The following ELL variants were observed in gnomAD, a reference collection of about 807,000 sequenced individuals.
The protein encoded by ELL is elongation factor for RNA polymerase II.
Under a neutral mutation model 64.0 loss-of-function variants are expected in ELL, and 18 were observed. The observed-to-expected ratio is 0.28, with a 90% confidence interval of 0.19 to 0.42. The LOEUF (loss-of-function observed/expected upper bound fraction) is 0.42. Ranked by LOEUF, ELL falls within the 10% of genes least tolerant of loss-of-function variation. The probability of loss-of-function intolerance (pLI) is 1.00; values close to 1 mark genes in which losing one functional copy is unlikely to be tolerated. For synonymous variants in ELL, 399 were observed against 376.2 expected (o/e 1.06, Z -0.70); for missense variants, 797 against 870.4 (o/e 0.92, Z 1.06).
chr19:18,467,709 A>G (rs1381905373), intron 2 of ELL, among the ~76,000 whole-genome samples: 1 of 104,564 alleles, frequency 9.6e-6, no homozygotes, highest in Admixed American at 1.2e-4. Context: ...CCCCACACAC[A>G]ATCCCCCACA....
At chr19:18,504,394 T>C (rs955688466) in intron 1 of ELL, among the ~76,000 whole-genome samples, 2 of 152,188 alleles carry the variant, frequency 1.3e-5, no homozygotes, top group Admixed American at 6.5e-5. Flanking sequence ...CTTTGCTAAA[T>C]TTCCCCTACA....
chr19:18,465,853 G>A lies in ELL; in HGVS notation c.249C>T (p.Asn83=). Residue 83 remains asparagine (N), a synonymous_variant, in exon 3 of 12, where the codon AAC becomes AAT. Coordinates refer to ENST00000262809, the MANE Select transcript of ELL (RefSeq NM_006532.4). ...TGCCCTGGGGGTTGTCGCGGCCGATGTTGGAGAGGTAGAAGGAGAACGTCC... is the reference window on the plus strand; with the variant it reads ...TGCCCTGGGGGTTGTCGCGGCCGATATTGGAGAGGTAGAAGGAGAACGTCC... ...EARTFSFYLS[N]IGRDNPQGSF... 7.4e-7 allele frequency: 1 copy of A among 1,352,218 alleles called. No homozygotes were observed. The highest frequency in any genetic ancestry group is 2.4e-5 in the South Asian group (1 of 42,454). 83.8% of individuals were successfully genotyped at this position (1,352,218 alleles called of 1,614,324 possible). A position where few individuals can be genotyped will look rare whatever the true frequency, so the allele number is the denominator to read the frequency against.
Position 18,449,397 on chromosome 19 carries a change from C to T in ELL, c.1465+1080G>A, listed in dbSNP as rs568326391. Among the ~76,000 whole-genome samples the T allele has an allele frequency of 6.6e-5, 10 of 152,096 alleles. No individual in the cohort carries two copies. Among genetic ancestry groups the T allele is most frequent in the Admixed American group, 2.0e-4 (3 of 15,282 alleles). On this transcript the variant is annotated intron_variant, in intron 8 of 11. Transcript: ENST00000262809. This position sits in a 1 kb window ranked among gnomAD's most constrained non-coding sequence, Gnocchi z 4.4. ...CCAGGGAGTAAGGCCACCTTCTCCCCGTCGGCCCCCACATGCAGTCCCACG... is the reference window on the plus strand; with the variant it reads ...CCAGGGAGTAAGGCCACCTTCTCCCTGTCGGCCCCCACATGCAGTCCCACG...
chr19:18,483,126 A>G (rs1975339796), intron 1 of ELL, among the ~76,000 whole-genome samples: 1 of 151,908 alleles, frequency 6.6e-6, no homozygotes. Flanking sequence ...CCAAACTGCC[A>G]TTCTTTACCA....
In ELL at chr19:18,467,477, T is replaced by C. The variant is rs188375833; in HGVS notation, c.184-1559A>G. 1.8e-3 allele frequency among the ~76,000 whole-genome samples: 277 copies of C among 152,116 alleles called. 3 individuals are homozygous for C. In the East Asian group the frequency reaches 0.036, roughly 20 times the overall value. On this transcript the variant is annotated intron_variant, in intron 2 of 11. Coordinates refer to ENST00000262809, the MANE Select transcript of ELL (RefSeq NM_006532.4). The stretch of plus-strand genomic sequence containing the variant: ...GCCAAAGTCCATTGTGGGCCCACCA[T>C]GCCAGGCCACACCTGAACACAAACA...
chr19:18,479,837 C>T (rs541485078), intron 1 of ELL, among the ~76,000 whole-genome samples: 17 of 152,210 alleles, frequency 1.1e-4, no homozygotes, highest in African/African-American at 3.9e-4. Context: ...TGGCCAGGTC[C>T]CAGGATACCT....
intron 1 of ELL, among the ~76,000 whole-genome samples, chr19:18,502,201 G>A (rs1374550343): frequency 6.6e-6 from 1 of 152,138 alleles, no homozygotes; most frequent in African/African-American, 2.4e-5. Flanking sequence ...CATTGAGGAC[G>A]CACACCCCCA....
At chr19:18,446,571 C>A in intron 9 of ELL, 91 bp from the exon 10 acceptor site, 6 of 1,529,544 alleles carry the variant, frequency 3.9e-6, no homozygotes, top group Non-Finnish European at 5.3e-6. Flanking sequence ...GGCGGCCTGG[C>A]CTCTCGGGTG....
At chr19:18,521,808 G>A in intron 1 of ELL, 113 bp downstream of exon 1, 6 of 1,393,878 alleles carry the variant, frequency 4.3e-6, no homozygotes, top group Non-Finnish European at 5.6e-6. Context: ...AGGGACCCGC[G>A]AGCAGCACCA....
At chr19:18,473,302 TGACTCTCCCAAG>T in intron 1 of ELL, 1 of 460,902 alleles carries the variant, frequency 2.2e-6, no homozygotes, top group South Asian at 1.6e-5. Context: ...CCCTGGATCA[TGACTCTCCCAAG>T]GACCCATACA....
At position 18,449,585 on chromosome 19, in the gene ELL, C is replaced by T. The variant is rs576270884; in HGVS notation, c.1465+892G>A. ...GCAAAGCTATAATGAAAGAAGGGCT[C>T]CCACCCTCATCCCAGGAATCCCCTG... On this transcript the variant is annotated intron_variant, in intron 8 of 11. Transcript: ENST00000262809. The surrounding 1 kb of genome is among the most constrained non-coding windows in gnomAD (Gnocchi z 4.4). Among the ~76,000 whole-genome samples, 2 of 152,166 alleles carry T rather than the reference C, an allele frequency of 1.3e-5. No individual in the cohort carries two copies. The highest frequency in any genetic ancestry group is 2.9e-5 in the Non-Finnish European group (2 of 68,010).
intron 1 of ELL, among the ~76,000 whole-genome samples, chr19:18,491,298 A>G (rs1476191029): frequency 9.3e-6 from 1 of 107,394 alleles, no homozygotes; most frequent in African/African-American, 3.4e-5. Flanking sequence ...TTTTTAGTAG[A>G]GATGGAGTCT....
At chr19:18,506,924 T>C (rs1204140721) in intron 1 of ELL, among the ~76,000 whole-genome samples, 1 of 152,100 alleles carries the variant, frequency 6.6e-6, no homozygotes, top group Non-Finnish European at 1.5e-5. Flanking sequence ...ACGGCTCCAC[T>C]TCCTATCTAC....
intron 9 of ELL, 87 bp downstream of exon 9, chr19:18,446,660 TC>T: frequency 6.5e-7 from 1 of 1,549,874 alleles, no homozygotes; most frequent in Non-Finnish European, 8.8e-7. Context: ...TGCAGTGGCT[TC>T]TACCTCTGAT....
Position 18,444,550 on chromosome 19 carries a change from A to G in ELL, c.*202T>C, listed in dbSNP as rs1974367755. The G allele has an allele frequency of 5.6e-6, 3 of 535,442 alleles. No homozygotes were observed. Among genetic ancestry groups the G allele is most frequent in the African/African-American group, 1.9e-5 (1 of 51,980 alleles). The allele number at this position is 535,442 out of a possible 1,614,324, so 33.2% of individuals were successfully genotyped here. Reference sequence around the variant, plus strand: ...GCTTCCTGGGGAGCCCATCATAAGCAGGGACTGCTCAGGAAGCGCAGGGAG... The same window carrying G: ...GCTTCCTGGGGAGCCCATCATAAGCGGGGACTGCTCAGGAAGCGCAGGGAG... On this transcript the variant is annotated 3_prime_UTR_variant, in exon 12 of 12. Transcript: ENST00000262809.
rs1162436128 is a variant in ELL, at chr19:18,442,991, A to G, written c.*1761T>C. ...ATAATTCCTTAAAAGGAGAACAAAT[A>G]AACAACAAAAACAACAACAACAACA... On this transcript the variant is annotated 3_prime_UTR_variant, in exon 12 of 12. Coordinates refer to ENST00000262809, the MANE Select transcript of ELL (RefSeq NM_006532.4). 4.3e-6 allele frequency: 1 copy of G among 232,096 alleles called. No individual in the cohort carries two copies. Among genetic ancestry groups the G allele is most frequent in the Admixed American group, 5.6e-5 (1 of 17,750 alleles). The allele number at this position is 232,096 out of a possible 1,614,324, so 14.4% of individuals were successfully genotyped here.
In ELL at chr19:18,501,619, C is replaced by G; in HGVS notation, c.135+20302G>C. On this transcript the variant is annotated intron_variant, in intron 1 of 11. Transcript: ENST00000262809. The surrounding 1 kb of genome is among the most constrained non-coding windows in gnomAD (Gnocchi z 4.5). The stretch of plus-strand genomic sequence containing the variant: ...GGGGCCGGCTACTCACGAGTGCACA[C>G]GAGGACAGCCAGGATTCACTAGGAC... Among the ~76,000 whole-genome samples the G allele has an allele frequency of 6.6e-6, 1 of 152,208 alleles. No individual in the cohort carries two copies. Among genetic ancestry groups the G allele is most frequent in the East Asian group, 1.9e-4 (1 of 5,186 alleles).
chr19:18,450,300 G>T (rs1247345615), intron 8 of ELL, among the ~76,000 whole-genome samples, 177 bp downstream of exon 8: 1 of 152,192 alleles, frequency 6.6e-6, no homozygotes. Flanking sequence ...AGGACCAGGT[G>T]CAGGAACATA....
chr19:18,520,522 C>CACCGGGACAGGGGGAAAACTGA (rs1976242258), intron 1 of ELL, among the ~76,000 whole-genome samples: 1 of 151,724 alleles, frequency 6.6e-6, no homozygotes, highest in African/African-American at 2.4e-5. Context: ...GGGAAAACTG[C>CACCGGGACAGGGGGAAAACTGA]GACACCGGGA....
Sources: gnomAD v4.1 joint callset for allele counts (sites outside exome capture counted in the v4.1 genomes callset) on GRCh38, gnomAD v4.1.1 for gene constraint, Gnocchi (gnomAD v3.1) non-coding constraint, MANE v1.5 for transcripts, NCBI Gene and HGNC (gene_info 2026-07-23, HGNC 2026-07-21) for gene names.